HMBOX1: variants seen among roughly 807,000 people sequenced by gnomAD.
HMBOX1 encodes homeobox containing 1.
In HMBOX1, 14 loss-of-function variants were observed where a neutral mutation model predicts 54.5. The ratio of observed to expected loss-of-function variants is 0.26; its 90% confidence interval spans 0.17 to 0.40. HMBOX1 has a LOEUF of 0.40. Among genes scored for constraint, HMBOX1 ranks in the 10% least tolerant of loss-of-function variants. HMBOX1 has a pLI of 1.00. For missense variants in HMBOX1, 332 were observed against 514.4 expected (o/e 0.65, Z 3.43); for synonymous variants, 160 against 181.0 (o/e 0.88, Z 0.93).
chr8:28,917,203 T>C (rs1256352917), intron 1 of HMBOX1, among the ~76,000 whole-genome samples: 2 of 152,218 alleles, frequency 1.3e-5, no homozygotes, highest in African/African-American at 4.8e-5. Context: ...TTCTGGTCCA[T>C]GAACACTGTA....
At chr8:28,957,115 A>G (rs1824600249) in intron 1 of HMBOX1, among the ~76,000 whole-genome samples, 1 of 152,198 alleles carries the variant, frequency 6.6e-6, no homozygotes, top group Non-Finnish European at 1.5e-5. Context: ...ACATGCACCC[A>G]TGTGTTCATT....
At chr8:29,047,764 T>G (rs1162957585) in intron 8 of HMBOX1, among the ~76,000 whole-genome samples, 1 of 151,834 alleles carries the variant, frequency 6.6e-6, no homozygotes, top group Non-Finnish European at 1.5e-5. Context: ...ATGGGGTGTC[T>G]CTATGTTGGT....
chr8:28,978,497 C>T (rs1396536151), intron 3 of HMBOX1, among the ~76,000 whole-genome samples: 2 of 151,964 alleles, frequency 1.3e-5, no homozygotes, highest in South Asian at 2.1e-4. Context: ...AATGAAGAGA[C>T]GTAGGCTGGG....
At chr8:28,898,352 C>T (rs1812567816) in intron 1 of HMBOX1, among the ~76,000 whole-genome samples, 1 of 152,068 alleles carries the variant, frequency 6.6e-6, no homozygotes, top group African/African-American at 2.4e-5. Flanking sequence ...CCTGTGATTT[C>T]AGTTTTTTCC....
chr8:28,900,291 T>TATATATATATATATATATATATATA (rs1554519282), intron 1 of HMBOX1, among the ~76,000 whole-genome samples: 1 of 143,670 alleles, frequency 7.0e-6, no homozygotes, highest in Non-Finnish European at 1.5e-5. Context: ...TATATATATA[T>TATATATATATATATATATATATATA]TTTGTTTCCT....
rs867490002 is a variant in HMBOX1 at position 28,976,877 on chromosome 8, T to A, written c.501-3194T>A. Among the ~76,000 whole-genome samples the A allele has an allele frequency of 3.9e-5, 6 of 151,960 alleles. No individual in the cohort carries two copies. In the South Asian group the frequency reaches 1.0e-3, roughly 26 times the overall value. On this transcript the variant is annotated intron_variant, in intron 3 of 9. Transcript: ENST00000287701. ...GCATGCCACCACACCCAGCTATTTT[T>A]AAAATATTTTTGGTAGAGACGAGGT...
chr8:28,922,005 A>G lies in HMBOX1; in HGVS notation c.-58+31327A>G, dbSNP rs139418882. Among the ~76,000 whole-genome samples the G allele has an allele frequency of 2.0e-3, 303 of 152,358 alleles. 3 individuals carry two copies. The highest frequency in any genetic ancestry group is 3.4e-3 in the Middle Eastern group (1 of 294). On this transcript the variant is annotated intron_variant, in intron 1 of 9. Transcript: ENST00000287701. ...AGGGAGACAATTATGAACTAATGTCATCAGGAAAAGCTACAGGGAGGAGGC... is the reference window on the plus strand; with the variant it reads ...AGGGAGACAATTATGAACTAATGTCGTCAGGAAAAGCTACAGGGAGGAGGC...
chr8:29,007,493 A>G (rs1833631712), intron 4 of HMBOX1, among the ~76,000 whole-genome samples: 1 of 151,950 alleles, frequency 6.6e-6, no homozygotes. Context: ...TAGGGTTTGG[A>G]AAGCTGTTTG....
At chr8:28,963,773 A>G in intron 1 of HMBOX1, 38 bp from the exon 2 acceptor site, 1 of 994,990 alleles carries the variant, frequency 1.0e-6, no homozygotes, top group South Asian at 1.7e-5. Flanking sequence ...CACTTGATTA[A>G]CATAAATGTT....
chr8:29,003,555 A>AATATATATATATATATATAT (rs71222586), intron 4 of HMBOX1, among the ~76,000 whole-genome samples: 4,024 of 70,742 alleles, frequency 0.057, 440 homozygotes, highest in Non-Finnish European at 0.071. Flanking sequence ...TTCTGTATTA[A>AATATATATATATATATATAT]ATATATATAT....
intron 4 of HMBOX1, among the ~76,000 whole-genome samples, chr8:28,998,794 A>C (rs182992229): frequency 2.6e-5 from 4 of 152,092 alleles, no homozygotes; most frequent in Non-Finnish European, 5.9e-5. Context: ...TTCTTTTGCT[A>C]TATTTTTCGA....
intron 1 of HMBOX1, among the ~76,000 whole-genome samples, chr8:28,915,327 G>A (rs150816436): frequency 0.02 from 3,030 of 152,110 alleles, 38 homozygotes; most frequent in Middle Eastern, 0.044. Context: ...GGAAGCTGAG[G>A]CGGGCGGATC....
At chr8:28,900,295 G>A (rs1252568718) in intron 1 of HMBOX1, among the ~76,000 whole-genome samples, 4 of 84,744 alleles carry the variant, frequency 4.7e-5, no homozygotes, top group East Asian at 7.6e-4. Context: ...TATATATTTT[G>A]TTTCCTGAGT....
chr8:29,021,004 A>G (rs1801062174), intron 6 of HMBOX1, among the ~76,000 whole-genome samples: 2 of 152,038 alleles, frequency 1.3e-5, no homozygotes, highest in Admixed American at 6.6e-5. Flanking sequence ...GCAAAACCCC[A>G]TCTCTACAAA....
chr8:29,037,611 G>T (rs1425920378), intron 6 of HMBOX1, among the ~76,000 whole-genome samples: 1 of 152,086 alleles, frequency 6.6e-6, no homozygotes, highest in Non-Finnish European at 1.5e-5. Flanking sequence ...ACAAAAGATG[G>T]TTATGCCAGA....
intron 1 of HMBOX1, among the ~76,000 whole-genome samples, chr8:28,946,493 C>G (rs1253009739): frequency 6.6e-6 from 1 of 151,768 alleles, no homozygotes; most frequent in African/African-American, 2.4e-5. Flanking sequence ...TCACTTGAAC[C>G]CGGGAGGTGG....
intron 6 of HMBOX1, among the ~76,000 whole-genome samples, chr8:29,021,557 T>C (rs1316603823): frequency 2.0e-5 from 3 of 151,934 alleles, no homozygotes; most frequent in Non-Finnish European, 4.4e-5. Flanking sequence ...CTTGAACATA[T>C]GAAAATATGC....
At chr8:28,948,811 ATC>A (rs1212888492) in intron 1 of HMBOX1, among the ~76,000 whole-genome samples, 12 of 152,292 alleles carry the variant, frequency 7.9e-5, no homozygotes, top group Middle Eastern at 3.4e-3. Flanking sequence ...GCTTAATGAA[ATC>A]TCTTTCTCCA....
intron 1 of HMBOX1, among the ~76,000 whole-genome samples, chr8:28,895,775 C>G (rs1392911152): frequency 6.6e-6 from 1 of 152,136 alleles, no homozygotes; most frequent in Non-Finnish European, 1.5e-5. Context: ...AGTTCTCACT[C>G]TTCATCCAAT....
Sources: allele counts gnomAD v4.1 joint callset (sites outside exome capture counted in the v4.1 genomes callset), GRCh38; gene constraint gnomAD v4.1.1; transcripts MANE v1.5; gene names NCBI Gene and HGNC (gene_info 2026-07-23, HGNC 2026-07-21).